Variants in BDH2 observed in about 807,000 individuals in gnomAD.
BDH2 encodes 3-hydroxybutyrate dehydrogenase 2, also known as dehydrogenase/reductase SDR family member 6.
In BDH2, 24 loss-of-function variants were observed where a neutral mutation model predicts 33.2. The observed-to-expected ratio is 0.72, with a 90% CI of 0.52 to 1.02. BDH2 has a LOEUF of 1.02. Among genes scored for constraint, BDH2 ranks in the 50% least tolerant of loss-of-function variants. The pLI, the probability that BDH2 is intolerant of heterozygous loss-of-function variation, is 0.00. For missense variants in BDH2, 249 were observed against 301.6 expected (o/e 0.83, Z 1.29); for synonymous variants, 81 against 101.6 (o/e 0.80, Z 1.22).
chr4:103,085,876 T>G, intron 6 of BDH2: 5 of 1,212,762 alleles, frequency 4.1e-6, no homozygotes, highest in Non-Finnish European at 4.2e-6. Flanking sequence ...AGAAATGGTA[T>G]CTCAGCAGTA....
At chr4:103,090,482 T>TG (rs1276332570) in intron 5 of BDH2, among the ~76,000 whole-genome samples, 1 of 152,104 alleles carries the variant, frequency 6.6e-6, no homozygotes, top group African/African-American at 2.4e-5. Context: ...AGAAAAGCAA[T>TG]GGGGTACATC....
At chr4:103,096,526 T>G (rs1167324293) in intron 1 of BDH2, among the ~76,000 whole-genome samples, 3 of 149,432 alleles carry the variant, frequency 2.0e-5, no homozygotes, top group Non-Finnish European at 4.4e-5. Flanking sequence ...TGACAGACAT[T>G]GGCCATTTTT....
At chr4:103,095,111 T>C in intron 3 of BDH2, 92 bp downstream of exon 3, 2 of 952,698 alleles carry the variant, frequency 2.1e-6, no homozygotes, top group African/African-American at 1.6e-5. Context: ...TGGAGCTCAG[T>C]AGCTAGGGAA....
intron 6 of BDH2, 57 bp from the exon 7 acceptor site, chr4:103,085,519 G>T: frequency 6.7e-7 from 1 of 1,495,504 alleles, no homozygotes. Flanking sequence ...TTTTCCTTCA[G>T]AAAGGTAACA....
At chr4:103,096,123 C>A (rs1748389475) in intron 2 of BDH2, 60 bp downstream of exon 2, 3 of 1,278,044 alleles carry the variant, frequency 2.3e-6, no homozygotes, top group East Asian at 4.7e-5. Context: ...CATCAGTCCA[C>A]ATAATTCAAT....
At position 103,092,607 on chromosome 4, in the gene BDH2, C is replaced by T. The variant is rs1748159052; in HGVS notation, c.241G>A (p.Val81Ile). ...EVERLDVLFN[V>I]AGFVHHGTVL... ...TAAAAAGTTATGAATTACCCAGCAA[C>T]ATTAAAGAGAACATCAAGTCTCTCA... The change falls in exon 4 of 10, where the codon GTT becomes ATT. Residue 81 changes from valine (V) to isoleucine (I), a missense_variant. Val to Ile is a conservative substitution (Grantham distance 29). Transcript: ENST00000296424. 3.1e-6 allele frequency: 5 copies of T among 1,605,812 alleles called. No individual in the cohort carries two copies. The highest frequency in any genetic ancestry group is 4.5e-5 in the East Asian group (2 of 44,800).
At chr4:103,092,740 C>A in intron 3 of BDH2, 44 bp from the exon 4 acceptor site, 1 of 1,414,916 alleles carries the variant, frequency 7.1e-7, no homozygotes, top group South Asian at 1.2e-5. Context: ...AATGTTTAGC[C>A]TTGAAGGTTT....
At chr4:103,095,664 CTT>C (rs1748367900) in intron 2 of BDH2, among the ~76,000 whole-genome samples, 1 of 152,282 alleles carries the variant, frequency 6.6e-6, no homozygotes, top group Admixed American at 6.5e-5. Flanking sequence ...TGTTTCAACA[CTT>C]TTCCTACTAA....
chr4:103,097,366 T>C (rs547654246), intron 1 of BDH2, among the ~76,000 whole-genome samples: 45 of 152,194 alleles, frequency 3.0e-4, no homozygotes, highest in South Asian at 2.1e-3. Flanking sequence ...CTCATGTGCA[T>C]GAGATATTTC....
At chr4:103,084,003 AT>A (rs1747648735) in intron 7 of BDH2, among the ~76,000 whole-genome samples, 1 of 152,212 alleles carries the variant, frequency 6.6e-6, no homozygotes, top group African/African-American at 2.4e-5. Context: ...CATTAGGAAC[AT>A]CTTCTACCTT....
Position 103,079,473 on chromosome 4 carries a change from T to C in BDH2, c.*229A>G, listed in dbSNP as rs1747406486. Reference sequence around the variant, plus strand: ...AGATTTATTTTAAAAACTATTCTCCTGCTATGAGTTCAATATTTTTATTTC... The same window carrying C: ...AGATTTATTTTAAAAACTATTCTCCCGCTATGAGTTCAATATTTTTATTTC... On this transcript the variant is annotated 3_prime_UTR_variant, in exon 10 of 10. Transcript: ENST00000296424. 2 of 512,568 alleles carry C rather than the reference T, an allele frequency of 3.9e-6. No homozygotes were observed. The highest frequency in any genetic ancestry group is 3.4e-5 in the Admixed American group (1 of 29,170). 31.8% of individuals were successfully genotyped at this position (512,568 alleles called of 1,614,324 possible). A position where few individuals can be genotyped will look rare whatever the true frequency, so the allele number is the denominator to read the frequency against.
chr4:103,086,953 C>G (rs1196780918), intron 5 of BDH2, among the ~76,000 whole-genome samples: 1 of 152,138 alleles, frequency 6.6e-6, no homozygotes, highest in Non-Finnish European at 1.5e-5. Context: ...AGATTACTGC[C>G]TACAGGAGGC....
intron 4 of BDH2, chr4:103,091,682 A>G: frequency 4.4e-6 from 2 of 454,940 alleles, no homozygotes; most frequent in South Asian, 3.1e-5. Context: ...GAGTTTTAGG[A>G]TGCAGTGAGC....
chr4:103,085,048 A>G (rs1034094487), intron 7 of BDH2, among the ~76,000 whole-genome samples: 4 of 152,252 alleles, frequency 2.6e-5, no homozygotes, highest in Non-Finnish European at 5.9e-5. Flanking sequence ...AGGTAAAAGT[A>G]CATATCAATT....
At position 103,092,319 on chromosome 4, in the gene BDH2, CTTTAA is replaced by C. The variant is rs1748143555; in HGVS notation, c.248+276_248+280del. 12 of 341,408 alleles carry C rather than the reference CTTTAA, an allele frequency of 3.5e-5. No individual in the cohort carries two copies. The South Asian group carries it at 4.4e-4, about 12-fold the overall frequency. 21.1% of individuals were successfully genotyped at this position (341,408 alleles called of 1,614,324 possible). A position where few individuals can be genotyped will look rare whatever the true frequency, so the allele number is the denominator to read the frequency against. ...TAAAATAGATGATCAGAAATTATTG[CTTTAA>C]TTTAACTTCCATACATTGTAACACA... On this transcript the variant is annotated intron_variant, in intron 4 of 9. Coordinates refer to ENST00000296424, the MANE Select transcript of BDH2 (RefSeq NM_020139.4).
At chr4:103,085,638 A>T (rs1747744635) in intron 6 of BDH2, 176 bp from the exon 7 acceptor site, 1 of 1,497,252 alleles carries the variant, frequency 6.7e-7, no homozygotes, top group Non-Finnish European at 8.9e-7. Flanking sequence ...TTCTGGATCT[A>T]GGGAAATAAT....
rs751989226 is a variant in BDH2 at position 103,085,476 on chromosome 4, A to C, written c.419-14T>G. Reference sequence around the variant, plus strand: ...TGTTCACAACTCCTGAGGGTGGAGGAAAGGTTCAACAATTGAAGGAATAAA... The same window carrying C: ...TGTTCACAACTCCTGAGGGTGGAGGCAAGGTTCAACAATTGAAGGAATAAA... On this transcript the variant is annotated splice_polypyrimidine_tract_variant and intron_variant, in intron 6 of 9. Coordinates refer to ENST00000296424, the MANE Select transcript of BDH2 (RefSeq NM_020139.4). 11 of 1,600,798 alleles carry C rather than the reference A, an allele frequency of 6.9e-6. 2 individuals are homozygous for C. The South Asian group carries it at 1.2e-4, about 18-fold the overall frequency.
chr4:103,082,161 A>G lies in BDH2; in HGVS notation c.604T>C (p.Phe202Leu). Residue 202 changes from phenylalanine to leucine, a missense_variant, in exon 9 of 10, where the codon TTC (phenylalanine) becomes CTC (leucine). Phe to Leu is a conservative substitution (Grantham distance 22). Coordinates refer to ENST00000296424, the MANE Select transcript of BDH2 (RefSeq NM_020139.4). ...CTTCCCGTCTTTTGTCTCTTCAGGAAATCATTCCGTGCCTGTGACCAGAGA... is the reference window on the plus strand; with the variant it reads ...CTTCCCGTCTTTTGTCTCTTCAGGAGATCATTCCGTGCCTGTGACCAGAGA... ...RGNPEEARND[F>L]LKRQKTGRFA... 5.0e-6 allele frequency: 8 copies of G among 1,614,002 alleles called. No homozygotes were observed. Among genetic ancestry groups the G allele is most frequent in the Non-Finnish European group, 5.9e-6 (7 of 1,179,888 alleles).
chr4:103,095,023 T>A (rs1324073602), intron 3 of BDH2, among the ~76,000 whole-genome samples, 180 bp downstream of exon 3: 1 of 152,236 alleles, frequency 6.6e-6, no homozygotes, highest in African/African-American at 2.4e-5. Flanking sequence ...TTTCTATGCA[T>A]GTAAGTCACA....
Sources: allele counts gnomAD v4.1 joint callset (sites outside exome capture counted in the v4.1 genomes callset), GRCh38; gene constraint gnomAD v4.1.1; transcripts MANE v1.5; gene names NCBI Gene and HGNC (gene_info 2026-07-23, HGNC 2026-07-21).